CACNG4: variants seen among roughly 807,000 people sequenced by gnomAD.
CACNG4 encodes the protein voltage-dependent calcium channel gamma-4 subunit.
In CACNG4, 8 loss-of-function variants were observed where a neutral mutation model predicts 22.9. The ratio of observed to expected loss-of-function variants is 0.35; its 90% confidence interval spans 0.21 to 0.63. CACNG4 has a LOEUF of 0.63. Ranked by LOEUF, CACNG4 falls within the 30% of genes least tolerant of loss-of-function variation. The pLI, the probability that CACNG4 is intolerant of heterozygous loss-of-function variation, is 0.72. For missense variants in CACNG4, 357 were observed against 455.4 expected, an observed-to-expected ratio of 0.78 and a Z score of 1.97; for synonymous variants, 188 against 191.9, an observed-to-expected ratio of 0.98 and a Z score of 0.17.
intron 1 of CACNG4, among the ~76,000 whole-genome samples, chr17:67,011,167 C>A (rs2035465629): frequency 6.6e-6 from 1 of 152,236 alleles, no homozygotes; most frequent in South Asian, 2.1e-4. Context: ...ATGTGGTCTT[C>A]ACCCTCACCG....
intron 1 of CACNG4, among the ~76,000 whole-genome samples, chr17:66,978,407 G>A (rs2035251204): frequency 6.6e-6 from 1 of 152,168 alleles, no homozygotes; most frequent in African/African-American, 2.4e-5. Context: ...GACCCAGAGT[G>A]AAGATGGGTC....
At chr17:66,992,167 G>GTT (rs1218172491) in intron 1 of CACNG4, among the ~76,000 whole-genome samples, 3,946 of 152,024 alleles carry the variant, frequency 0.026, 171 homozygotes, top group African/African-American at 0.089. Flanking sequence ...TCCTGGGGGG[G>GTT]GGGGGCTGTG....
At chr17:67,009,908 T>C (rs1487886136) in intron 1 of CACNG4, among the ~76,000 whole-genome samples, 1 of 152,154 alleles carries the variant, frequency 6.6e-6, no homozygotes, top group Non-Finnish European at 1.5e-5. Context: ...ATATTCAGAC[T>C]ACTGCATCCC....
chr17:67,025,354 G>A (rs1228871371), intron 3 of CACNG4, among the ~76,000 whole-genome samples: 1 of 152,252 alleles, frequency 6.6e-6, no homozygotes, highest in Non-Finnish European at 1.5e-5. Context: ...GTGGTGGGTG[G>A]GGTTCAGCTG....
chr17:66,981,374 GCAATCATCTTCGAC>G, intron 1 of CACNG4, among the ~76,000 whole-genome samples: 1 of 152,148 alleles, frequency 6.6e-6, no homozygotes, highest in African/African-American at 2.4e-5. Flanking sequence ...TGAAAACAAA[GCAATCATCTTCGAC>G]CCTTAATAGC....
intron 1 of CACNG4, among the ~76,000 whole-genome samples, chr17:66,967,733 G>T (rs1423900302): frequency 6.6e-6 from 1 of 152,218 alleles, no homozygotes; most frequent in East Asian, 1.9e-4. Context: ...ACTGCAGCAG[G>T]CAGCTAATAA....
In CACNG4 at chr17:67,030,753, T is replaced by C. The variant is rs1417700053; in HGVS notation, c.733T>C (p.Ser245Pro). 1 of 1,613,962 alleles carries C rather than the reference T, an allele frequency of 6.2e-7. No individual in the cohort carries two copies. Among genetic ancestry groups the C allele is most frequent in the Non-Finnish European group, 8.5e-7 (1 of 1,180,000 alleles). ...SYRYRRRRSR[S>P]SSRSTEASPS... Reference sequence around the variant, plus strand: ...CAGGTACCGGCGACGGCGCTCGAGGTCCAGCTCAAGGTCCACCGAGGCCTC... The same window carrying C: ...CAGGTACCGGCGACGGCGCTCGAGGCCCAGCTCAAGGTCCACCGAGGCCTC... The change falls in exon 4 of 4, where the codon TCC (serine) becomes CCC (proline). Residue 245 changes from serine (S) to proline (P), a missense_variant. By Grantham distance (74) the Ser-to-Pro change is moderately conservative (BLOSUM62 -1). Transcript: ENST00000262138. The surrounding 1 kb of genome is among the most constrained non-coding windows in gnomAD (Gnocchi z 6.4).
chr17:66,973,140 T>A (rs2035214882), intron 1 of CACNG4, among the ~76,000 whole-genome samples: 1 of 151,508 alleles, frequency 6.6e-6, no homozygotes, highest in Admixed American at 6.6e-5. Context: ...CAGCTACTCC[T>A]GAGACAGGAG....
At chr17:66,965,809 T>C (rs765674815) in intron 1 of CACNG4, among the ~76,000 whole-genome samples, 82 of 152,118 alleles carry the variant, frequency 5.4e-4, no homozygotes, top group Non-Finnish European at 1.1e-3. Flanking sequence ...GACGCCCGCC[T>C]CGTCTCCCAC....
chr17:67,011,856 T>C (rs557140220), intron 1 of CACNG4, among the ~76,000 whole-genome samples: 278 of 152,258 alleles, frequency 1.8e-3, no homozygotes, highest in African/African-American at 6.6e-3. Flanking sequence ...AGGGGAGTTG[T>C]GCTGCTGGGC....
Position 67,024,991 on chromosome 17 carries a change from G to A in CACNG4, c.436G>A (p.Val146Met), listed in dbSNP as rs753058412. Residue 146 changes from valine to methionine, a missense_variant, in exon 3 of 4, where the codon GTG (valine) becomes ATG (methionine). This residue lies in a region of CACNG4 where 240 missense variants were observed against 277.6 expected (regional missense o/e 0.86). Coordinates refer to ENST00000262138, the MANE Select transcript of CACNG4 (RefSeq NM_014405.4). ...NIVLSAGILF[V>M]AAGLSNIIGI... The stretch of plus-strand genomic sequence containing the variant: ...CGTCCTCAGTGCCGGCATCCTCTTC[G>A]TGGCTGCAGGTGAGCCGCCCGCCCG... 6 of 1,591,728 alleles carry A rather than the reference G, an allele frequency of 3.8e-6. No individual in the cohort carries two copies. The highest frequency in any genetic ancestry group is 5.1e-6 in the Non-Finnish European group (6 of 1,171,522).
chr17:66,976,794 T>A (rs558576781), intron 1 of CACNG4, among the ~76,000 whole-genome samples: 26 of 152,264 alleles, frequency 1.7e-4, no homozygotes, highest in African/African-American at 6.3e-4. Context: ...GGAAACACTG[T>A]TGGCTGTGGC....
chr17:67,007,912 A>G (rs2035446743), intron 1 of CACNG4, among the ~76,000 whole-genome samples: 2 of 151,976 alleles, frequency 1.3e-5, no homozygotes, highest in African/African-American at 4.8e-5. Flanking sequence ...GTGGAGATGG[A>G]GGGCCACCCC....
chr17:66,990,569 T>C (rs1241824147), intron 1 of CACNG4, among the ~76,000 whole-genome samples: 3 of 152,234 alleles, frequency 2.0e-5, no homozygotes, highest in African/African-American at 7.2e-5. Context: ...TTGACTTTGA[T>C]TTCTGGTTCT....
chr17:66,982,407 A>G (rs1469304456), intron 1 of CACNG4, among the ~76,000 whole-genome samples: 2 of 152,030 alleles, frequency 1.3e-5, no homozygotes, highest in African/African-American at 4.8e-5. Context: ...GTGTTTTTAC[A>G]GAGTACCAAT....
chr17:66,965,204 GCGCGCGCGCA>G, intron 1 of CACNG4, 73 bp downstream of exon 1: 1 of 805,782 alleles, frequency 1.2e-6, no homozygotes, highest in Non-Finnish European at 1.8e-6. Context: ...ACGCGCGCGC[GCGCGCGCGCA>G]CACACACACA....
intron 2 of CACNG4, among the ~76,000 whole-genome samples, chr17:67,023,574 CCT>C (rs1491209964): frequency 4.1e-3 from 354 of 87,194 alleles, no homozygotes; most frequent in African/African-American, 0.012. Flanking sequence ...CGCGCCCAGC[CCT>C]TTTTTTTTTT....
Position 66,981,975 on chromosome 17 carries a change from A to G in CACNG4, c.220+16844A>G, listed in dbSNP as rs558540625. ...TAGAGATACGGTCTCACTCTGTCACACAGGCTAGAGTGCAGTGGTGGGATC... is the reference window on the plus strand; with the variant it reads ...TAGAGATACGGTCTCACTCTGTCACGCAGGCTAGAGTGCAGTGGTGGGATC... On this transcript the variant is annotated intron_variant, in intron 1 of 3. Coordinates refer to ENST00000262138, the MANE Select transcript of CACNG4 (RefSeq NM_014405.4). 2.2e-3 allele frequency among the ~76,000 whole-genome samples: 339 copies of G among 152,310 alleles called. 1 individual carries two copies. The highest frequency in any genetic ancestry group is 4.2e-3 in the Admixed American group (64 of 15,294).
chr17:67,029,201 G>A lies in CACNG4; in HGVS notation c.446-1265G>A, dbSNP rs377751568. Among the ~76,000 whole-genome samples the A allele has an allele frequency of 1.6e-4, 24 of 152,270 alleles. No individual in the cohort carries two copies. The South Asian group carries it at 4.1e-3, about 26-fold the overall frequency. ...ACAAAAATTACCCAGGCATGGTGGT[G>A]CGTGCCTGTAATCTCAGCTACTCAA... On this transcript the variant is annotated intron_variant, in intron 3 of 3. Transcript: ENST00000262138.
Sources: allele counts gnomAD v4.1 joint callset (sites outside exome capture counted in the v4.1 genomes callset), GRCh38; gene constraint gnomAD v4.1.1; regional missense constraint gnomAD v4.1.1; non-coding constraint Gnocchi (gnomAD v3.1); transcripts MANE v1.5; gene names NCBI Gene and HGNC (gene_info 2026-07-23, HGNC 2026-07-21).